PCDH7: variants seen among roughly 807,000 people sequenced by gnomAD.
PCDH7 encodes protocadherin 7.
A neutral mutation model predicts 58.9 loss-of-function variants in PCDH7; 17 were observed. The observed-to-expected ratio is 0.29, with a 90% CI of 0.20 to 0.43. The LOEUF (loss-of-function observed/expected upper bound fraction) is 0.43. Among genes scored for constraint, PCDH7 ranks in the 20% least tolerant of loss-of-function variants. The probability of loss-of-function intolerance (pLI) is 1.00; values close to 1 mark genes in which losing one functional copy is unlikely to be tolerated. For missense variants in PCDH7, 1,274 were observed against 1,441.0 expected (o/e 0.88, Z 1.88); for synonymous variants, 664 against 616.4 (o/e 1.08, Z -1.14).
At chr4:30,803,420 G>A (rs1271611668) in intron 1 of PCDH7, among the ~76,000 whole-genome samples, 1 of 151,854 alleles carries the variant, frequency 6.6e-6, no homozygotes, top group Non-Finnish European at 1.5e-5. Flanking sequence ...TAAAACACCA[G>A]CTGCCAAGTT....
At chr4:30,847,247 C>T (rs1233803850) in intron 1 of PCDH7, among the ~76,000 whole-genome samples, 1 of 152,012 alleles carries the variant, frequency 6.6e-6, no homozygotes, top group Admixed American at 6.6e-5. Context: ...GGTGGATTGA[C>T]AGAAGACAGA....
chr4:30,988,265 C>A (rs2109119767), intron 3 of PCDH7, among the ~76,000 whole-genome samples: 1 of 152,104 alleles, frequency 6.6e-6, no homozygotes, highest in Middle Eastern at 3.4e-3. Context: ...ATGTTTCTGC[C>A]CACAAGTGTA....
chr4:31,031,293 T>C (rs1754898890), intron 3 of PCDH7, among the ~76,000 whole-genome samples: 1 of 152,180 alleles, frequency 6.6e-6, no homozygotes, highest in Non-Finnish European at 1.5e-5. Flanking sequence ...GCAACTGGCA[T>C]TTAGTAAGTA....
intron 3 of PCDH7, among the ~76,000 whole-genome samples, chr4:30,959,568 T>C (rs1748190796): frequency 6.6e-6 from 1 of 152,200 alleles, no homozygotes; most frequent in Non-Finnish European, 1.5e-5. Context: ...GAAGTATGTT[T>C]CCTGCAGTTG....
chr4:31,120,417 C>T (rs1359159143), intron 3 of PCDH7, among the ~76,000 whole-genome samples: 7 of 127,354 alleles, frequency 5.5e-5, no homozygotes, highest in Admixed American at 7.9e-5. Context: ...TCTTGTCTTT[C>T]GTTGTTTTTC....
intron 1 of PCDH7, among the ~76,000 whole-genome samples, chr4:30,914,779 G>GT (rs1160786076): frequency 1.3e-5 from 2 of 152,174 alleles, no homozygotes; most frequent in Non-Finnish European, 2.9e-5. Context: ...CTGAGAGAAT[G>GT]TAAGTTAGCA....
chr4:31,038,307 G>A lies in PCDH7; in HGVS notation c.*7+88092G>A, dbSNP rs1025534626. On this transcript the variant is annotated intron_variant, in intron 3 of 3. Transcript: ENST00000509759. ...TTGTTCTGTATGTTTAGTTCCTGAA[G>A]TTCATGTTAAAATTGTATTATAATT... Among the ~76,000 whole-genome samples the A allele has an allele frequency of 2.0e-5, 3 of 151,654 alleles. No individual in the cohort carries two copies. The East Asian group carries it at 5.8e-4, about 29-fold the overall frequency.
chr4:30,869,966 G>T (rs1479208643), intron 1 of PCDH7, among the ~76,000 whole-genome samples: 1 of 152,044 alleles, frequency 6.6e-6, no homozygotes, highest in Non-Finnish European at 1.5e-5. Flanking sequence ...ATTTTTTAAC[G>T]ATCGCCATTC....
chr4:30,924,863 T>G (rs1411735256), intron 2 of PCDH7, among the ~76,000 whole-genome samples: 1 of 151,882 alleles, frequency 6.6e-6, no homozygotes, highest in East Asian at 1.9e-4. Flanking sequence ...GTAGGTAGAC[T>G]TTCTTAAATA....
At chr4:31,140,966 G>A (rs575637676) in intron 3 of PCDH7, among the ~76,000 whole-genome samples, 15 of 152,028 alleles carry the variant, frequency 9.9e-5, no homozygotes, top group Admixed American at 1.3e-4. Context: ...CCTTGTTAAC[G>A]CTTAGTCAAG....
intron 1 of PCDH7, among the ~76,000 whole-genome samples, chr4:30,802,436 T>C (rs550997124): frequency 2.6e-5 from 4 of 151,586 alleles, no homozygotes; most frequent in Middle Eastern, 3.4e-3. Context: ...ATAGGAAAAT[T>C]TGGTAGGTTT....
rs573007202 is a variant in PCDH7, at chr4:30,917,991, G to A, written c.71-2162G>A. On this transcript the variant is annotated intron_variant, in intron 1 of 3. Transcript: ENST00000509759. ...TTCTAAGTTTATTGGTATGTCTTATGTATTTCTGTATTCATTTTGAGTTTT... is the reference window on the plus strand; with the variant it reads ...TTCTAAGTTTATTGGTATGTCTTATATATTTCTGTATTCATTTTGAGTTTT... 2.6e-5 allele frequency among the ~76,000 whole-genome samples: 4 copies of A among 152,070 alleles called. No individual in the cohort carries two copies. In the East Asian group the frequency reaches 7.7e-4, roughly 29 times the overall value.
chr4:30,862,911 T>C, intron 1 of PCDH7, among the ~76,000 whole-genome samples: 1 of 152,094 alleles, frequency 6.6e-6, no homozygotes, highest in East Asian at 1.9e-4. Flanking sequence ...GAAACATAGT[T>C]CTGATTATGA....
intron 3 of PCDH7, among the ~76,000 whole-genome samples, chr4:31,028,883 C>T (rs1252224057): frequency 6.6e-6 from 1 of 152,036 alleles, no homozygotes; most frequent in Non-Finnish European, 1.5e-5. Flanking sequence ...ATTATTGTGT[C>T]ATAAAAGCGA....
intron 3 of PCDH7, among the ~76,000 whole-genome samples, chr4:30,970,318 G>A (rs937744897): frequency 4.7e-5 from 7 of 149,580 alleles, no homozygotes; most frequent in Non-Finnish European, 8.9e-5. Context: ...TTCCTGAGAC[G>A]GCGTCTAGCT....
chr4:30,802,994 G>T (rs1172814292), intron 1 of PCDH7, among the ~76,000 whole-genome samples: 1 of 152,020 alleles, frequency 6.6e-6, no homozygotes, highest in Non-Finnish European at 1.5e-5. Flanking sequence ...AAGAAGGGAA[G>T]AAATCAATTG....
chr4:31,084,307 T>G (rs1456739832), intron 3 of PCDH7, among the ~76,000 whole-genome samples: 4 of 152,182 alleles, frequency 2.6e-5, no homozygotes, highest in Non-Finnish European at 5.9e-5. Flanking sequence ...AAATAGATTA[T>G]AGGTTCATTT....
intron 3 of PCDH7, among the ~76,000 whole-genome samples, chr4:31,092,568 C>T (rs1267253338): frequency 6.6e-6 from 1 of 151,948 alleles, no homozygotes; most frequent in Non-Finnish European, 1.5e-5. Flanking sequence ...GACCTTTTTG[C>T]TGGAAAATTA....
intron 3 of PCDH7, among the ~76,000 whole-genome samples, chr4:31,103,947 G>T (rs145138404): frequency 0.011 from 1,664 of 152,146 alleles, 17 homozygotes; most frequent in South Asian, 0.025. Flanking sequence ...CCCCAAATAC[G>T]TGATACGGTT....
Sources: allele counts gnomAD v4.1 joint callset (sites outside exome capture counted in the v4.1 genomes callset), GRCh38; gene constraint gnomAD v4.1.1; transcripts MANE v1.5; gene names NCBI Gene and HGNC (gene_info 2026-07-23, HGNC 2026-07-21).